The following SGCZ variants were observed in gnomAD, a reference collection of about 807,000 sequenced individuals.
The protein encoded by SGCZ is zeta-sarcoglycan.
SGCZ carries 40 observed loss-of-function variants against 41.3 expected under a neutral mutation model. That is an observed-to-expected ratio of 0.97 (90% CI 0.75 to 1.26). The LOEUF is 1.26. Ranked by LOEUF, SGCZ falls within the 50% of genes most tolerant of loss-of-function variation. The probability of loss-of-function intolerance (pLI) is 0.00; values close to 1 mark genes in which losing one functional copy is unlikely to be tolerated. For missense variants in SGCZ, 552 were observed against 369.8 expected, an observed-to-expected ratio of 1.49 and a Z score of -4.04; for synonymous variants, 206 against 137.5, an observed-to-expected ratio of 1.50 and a Z score of -3.49.
intron 3 of SGCZ, chr8:14,309,720 C>T (rs375973583): frequency 6.2e-7 from 1 of 1,606,682 alleles, no homozygotes; most frequent in Non-Finnish European, 8.5e-7. Flanking sequence ...GTTAAGCAAT[C>T]GAGATTTGGG....
At chr8:14,166,827 T>C (rs1479587726) in intron 4 of SGCZ, among the ~76,000 whole-genome samples, 1 of 152,084 alleles carries the variant, frequency 6.6e-6, no homozygotes, top group African/African-American at 2.4e-5. Flanking sequence ...TGAAGTGAGG[T>C]GAAACCTTAA....
At chr8:14,372,282 A>C (rs571524970) in intron 2 of SGCZ, among the ~76,000 whole-genome samples, 2 of 152,300 alleles carry the variant, frequency 1.3e-5, no homozygotes, top group Non-Finnish European at 2.9e-5. Flanking sequence ...TATAGGTTGA[A>C]GGTTTTATGG....
At chr8:14,860,340 A>G (rs1465473684) in intron 1 of SGCZ, among the ~76,000 whole-genome samples, 1 of 151,844 alleles carries the variant, frequency 6.6e-6, no homozygotes. Context: ...ATGCATCACC[A>G]CCATCTAGTG....
rs190699153 is a variant in SGCZ, at chr8:14,653,829, T to C, written c.40-98903A>G. ...CATATTAAAAAAACCCTCAGTTGTC[T>C]CAAAAATGTTAGATTTTCAGAGAAT... On this transcript the variant is annotated intron_variant, in intron 1 of 7. Coordinates refer to ENST00000382080, the MANE Select transcript of SGCZ (RefSeq NM_139167.4). Among the ~76,000 whole-genome samples, 169 of 152,270 alleles carry C rather than the reference T, an allele frequency of 1.1e-3. 2 individuals are homozygous for C. The highest frequency in any genetic ancestry group is 2.0e-3 in the Non-Finnish European group (139 of 68,024).
At chr8:14,605,948 TA>T (rs1444930823) in intron 1 of SGCZ, among the ~76,000 whole-genome samples, 1 of 151,986 alleles carries the variant, frequency 6.6e-6, no homozygotes, top group Non-Finnish European at 1.5e-5. Context: ...TATAATTAAA[TA>T]ATGGCAGTTT....
chr8:14,318,159 A>AAAAG (rs974840978), intron 3 of SGCZ, among the ~76,000 whole-genome samples: 17 of 151,554 alleles, frequency 1.1e-4, no homozygotes, highest in African/African-American at 2.4e-4. Context: ...TTGGTTTTTC[A>AAAAG]AAAGAAAGAA....
chr8:14,335,870 A>G (rs1209463914), intron 2 of SGCZ, among the ~76,000 whole-genome samples: 1 of 152,140 alleles, frequency 6.6e-6, no homozygotes. Context: ...GCAGGTATAC[A>G]ACATCTCTTT....
intron 3 of SGCZ, among the ~76,000 whole-genome samples, chr8:14,306,738 G>A (rs561590061): frequency 2.6e-5 from 4 of 152,150 alleles, no homozygotes; most frequent in African/African-American, 4.8e-5. Flanking sequence ...ATTATTTGTG[G>A]TCAATTTCTG....
intron 2 of SGCZ, among the ~76,000 whole-genome samples, chr8:14,450,033 G>A (rs765819073): frequency 3.6e-4 from 55 of 152,028 alleles, no homozygotes; most frequent in Non-Finnish European, 7.2e-4. Context: ...TTACAGAAGA[G>A]AAAAAAACTG....
intron 4 of SGCZ, among the ~76,000 whole-genome samples, chr8:14,198,297 G>T (rs144163145): frequency 1.5e-3 from 223 of 152,250 alleles, no homozygotes; most frequent in Middle Eastern, 6.8e-3. Context: ...GTATTATAGT[G>T]ATTGTGTCCA....
At chr8:14,640,121 A>G (rs1214084081) in intron 1 of SGCZ, among the ~76,000 whole-genome samples, 1 of 151,668 alleles carries the variant, frequency 6.6e-6, no homozygotes, top group Non-Finnish European at 1.5e-5. Flanking sequence ...ACTTTACATT[A>G]AGGGAGGTTT....
At chr8:15,075,950 T>C (rs1255004934) in intron 1 of SGCZ, among the ~76,000 whole-genome samples, 2 of 152,220 alleles carry the variant, frequency 1.3e-5, no homozygotes, top group Middle Eastern at 3.4e-3. Context: ...AAAAACATTT[T>C]ATGGAATTAC....
At chr8:14,498,454 A>G (rs963472918) in intron 2 of SGCZ, among the ~76,000 whole-genome samples, 2 of 152,250 alleles carry the variant, frequency 1.3e-5, no homozygotes, top group South Asian at 2.1e-4. Flanking sequence ...CTAGGAATCT[A>G]TATTGACAAC....
chr8:15,210,872 T>C (rs993828845), intron 1 of SGCZ, among the ~76,000 whole-genome samples: 2 of 152,040 alleles, frequency 1.3e-5, no homozygotes, highest in African/African-American at 2.4e-5. Context: ...TTTATTTTCA[T>C]CCAGTTTAGA....
At chr8:14,860,763 G>A (rs1487062882) in intron 1 of SGCZ, among the ~76,000 whole-genome samples, 1 of 141,750 alleles carries the variant, frequency 7.1e-6, no homozygotes, top group Non-Finnish European at 1.5e-5. Context: ...AGGGAGGGAG[G>A]GAGGGAAGAA....
intron 1 of SGCZ, among the ~76,000 whole-genome samples, chr8:14,686,029 A>G (rs1449903758): frequency 1.3e-5 from 2 of 152,146 alleles, no homozygotes; most frequent in African/African-American, 4.8e-5. Context: ...ACTAATGAAC[A>G]GGTAACTAAT....
intron 1 of SGCZ, among the ~76,000 whole-genome samples, chr8:15,190,986 A>C (rs1030730921): frequency 6.6e-6 from 1 of 152,040 alleles, no homozygotes; most frequent in African/African-American, 2.4e-5. Flanking sequence ...CAATGACCTA[A>C]TGTGATTCCA....
intron 1 of SGCZ, among the ~76,000 whole-genome samples, chr8:14,741,843 T>C (rs1030698340): frequency 6.6e-6 from 1 of 151,990 alleles, no homozygotes. Context: ...ATTTAAGAAG[T>C]AGAACAGTAT....
At chr8:14,399,337 C>T (rs76795656) in intron 2 of SGCZ, among the ~76,000 whole-genome samples, 3,002 of 152,134 alleles carry the variant, frequency 0.02, 51 homozygotes, top group Non-Finnish European at 0.03. Flanking sequence ...TTTCATCTTA[C>T]CAGTAGAATC....
Sources: gnomAD v4.1 joint callset for allele counts (sites outside exome capture counted in the v4.1 genomes callset) on GRCh38, gnomAD v4.1.1 for gene constraint, MANE v1.5 for transcripts, NCBI Gene and HGNC (gene_info 2026-07-23, HGNC 2026-07-21) for gene names.